MTAP: variants seen among roughly 807,000 people sequenced by gnomAD.
The protein encoded by MTAP is methylthioadenosine phosphorylase.
A neutral mutation model predicts 33.6 loss-of-function variants in MTAP; 33 were observed. The observed-to-expected ratio is 0.98, with a 90% CI of 0.74 to 1.31. The LOEUF (loss-of-function observed/expected upper bound fraction) is 1.31, where lower values mean the gene tolerates loss of function less well. Among genes scored for constraint, MTAP ranks in the 40% most tolerant of loss-of-function variants. The probability of loss-of-function intolerance (pLI) is 0.00; values close to 1 mark genes in which losing one functional copy is unlikely to be tolerated. For synonymous variants in MTAP, 148 were observed against 125.7 expected (o/e 1.18, Z -1.19); for missense variants, 367 against 360.0 (o/e 1.02, Z -0.16).
chr9:21,803,036 A>ACACACACCCC, intron 1 of MTAP: 1 of 1,039,824 alleles, frequency 9.6e-7, no homozygotes, highest in Non-Finnish European at 1.3e-6. Flanking sequence ...ACACACACAC[A>ACACACACCCC]CCACCTTTTG....
At chr9:21,925,904 T>G (rs7852234) in intron 1 of MTAP, among the ~76,000 whole-genome samples, 56,964 of 152,064 alleles carry the variant, frequency 0.37, 14,033 homozygotes, top group African/African-American at 0.68. Flanking sequence ...GGTGATGGGG[T>G]TAAATTGGGT....
intron 1 of MTAP, among the ~76,000 whole-genome samples, chr9:21,914,522 A>G (rs1387101795): frequency 1.3e-5 from 2 of 151,934 alleles, no homozygotes; most frequent in African/African-American, 4.8e-5. Flanking sequence ...TCAGCAAACT[A>G]TCACAAGGAC....
chr9:21,919,150 T>A (rs762815911), intron 1 of MTAP, among the ~76,000 whole-genome samples: 46 of 152,354 alleles, frequency 3.0e-4, no homozygotes, highest in Non-Finnish European at 5.3e-4. Context: ...GTTAGTGGGT[T>A]TGTAGCTGAA....
At chr9:21,822,702 G>A (rs1225273169) in intron 4 of MTAP, among the ~76,000 whole-genome samples, 7 of 152,122 alleles carry the variant, frequency 4.6e-5, no homozygotes, top group African/African-American at 9.7e-5. Context: ...TTTCTGTCTC[G>A]TTGATCTGTC....
chr9:21,931,705 C>A (rs1818961573), downstream of MTAP: 1 of 152,270 alleles, frequency 6.6e-6, no homozygotes, highest in Admixed American at 6.5e-5. Context: ...ATATATAAAA[C>A]CCCAAGTCTA....
At chr9:21,931,504 T>G (rs1818958369), downstream of MTAP, 1 of 232,808 alleles carries the variant, frequency 4.3e-6, no homozygotes, top group African/African-American at 2.3e-5. Flanking sequence ...CTGAAGCTGG[T>G]GATCAGCAGC....
At chr9:21,817,803 G>A (rs76111766) in intron 3 of MTAP, among the ~76,000 whole-genome samples, 53 of 152,206 alleles carry the variant, frequency 3.5e-4, no homozygotes, top group African/African-American at 1.3e-3. Context: ...ATGACAGTGG[G>A]GTCCTCACTA....
At chr9:21,920,521 T>C (rs79042038) in intron 1 of MTAP, among the ~76,000 whole-genome samples, 8,209 of 152,204 alleles carry the variant, frequency 0.054, 673 homozygotes, top group African/African-American at 0.18. Flanking sequence ...ATTTTTATTT[T>C]CCCAGATTTT....
chr9:21,812,190 G>A, intron 1 of MTAP: 1 of 200,042 alleles, frequency 5.0e-6, no homozygotes. Flanking sequence ...CATGTTTGCG[G>A]CCAGCTTCTG....
chr9:21,818,305 C>CAG, intron 4 of MTAP, 103 bp downstream of exon 4: 1 of 442,294 alleles, frequency 2.3e-6, no homozygotes, highest in East Asian at 7.0e-5. Context: ...GGCAGTGCCA[C>CAG]AGACTCGCTT....
chr9:21,825,468 A>G (rs113152014), intron 4 of MTAP, among the ~76,000 whole-genome samples: 1,926 of 152,282 alleles, frequency 0.013, 32 homozygotes, highest in African/African-American at 0.044. Flanking sequence ...ATTAATTTAT[A>G]TTCCTACCAG....
At chr9:21,939,153 C>T (rs1015381026), downstream of MTAP, among the ~76,000 whole-genome samples, 2 of 152,140 alleles carry the variant, frequency 1.3e-5, no homozygotes, top group Non-Finnish European at 2.9e-5. Flanking sequence ...CCTCATTTCA[C>T]CATCAGGTAA....
chr9:21,908,799 T>C (rs1161530804), intron 1 of MTAP, among the ~76,000 whole-genome samples: 1 of 151,982 alleles, frequency 6.6e-6, no homozygotes, highest in Non-Finnish European at 1.5e-5. Flanking sequence ...ATAGCTTTTT[T>C]AGTGATATTA....
At chr9:21,920,467 AACTT>A (rs1008915393) in intron 1 of MTAP, among the ~76,000 whole-genome samples, 8 of 152,198 alleles carry the variant, frequency 5.3e-5, no homozygotes, top group Non-Finnish European at 1.0e-4. Flanking sequence ...TGTGACCTGA[AACTT>A]ACTTAGTTTG....
At chr9:21,897,069 G>A (rs912004194) in intron 1 of MTAP, among the ~76,000 whole-genome samples, 2 of 152,216 alleles carry the variant, frequency 1.3e-5, no homozygotes, top group Admixed American at 6.5e-5. Context: ...TGCAAGGCTG[G>A]TTCAACATAT....
intron 5 of MTAP, among the ~76,000 whole-genome samples, chr9:21,854,264 G>A (rs943084181): frequency 6.6e-6 from 1 of 152,214 alleles, no homozygotes; most frequent in African/African-American, 2.4e-5. Context: ...AGCCTGCGAG[G>A]TTAAAAGTTA....
At chr9:21,854,395 C>G (rs1363553742) in intron 5 of MTAP, among the ~76,000 whole-genome samples, 1 of 152,140 alleles carries the variant, frequency 6.6e-6, no homozygotes, top group African/African-American at 2.4e-5. Context: ...GCTTGTGTAG[C>G]TATTAGTTTC....
chr9:21,832,555 C>T (rs1471334399), intron 4 of MTAP, among the ~76,000 whole-genome samples: 1 of 152,210 alleles, frequency 6.6e-6, no homozygotes, highest in African/African-American at 2.4e-5. Flanking sequence ...AAACTCTTCA[C>T]CTTCCTTCAC....
intron 1 of MTAP, among the ~76,000 whole-genome samples, chr9:21,875,485 A>G (rs1224115204): frequency 6.6e-6 from 1 of 151,870 alleles, no homozygotes; most frequent in East Asian, 1.9e-4. Flanking sequence ...TAGATTCTGG[A>G]TATTAGCCCT....
Sources: gnomAD v4.1 joint callset for allele counts (sites outside exome capture counted in the v4.1 genomes callset) on GRCh38, gnomAD v4.1.1 for gene constraint, MANE v1.5 for transcripts, NCBI Gene and HGNC (gene_info 2026-07-23, HGNC 2026-07-21) for gene names.